CCDC148: variants seen among roughly 807,000 people sequenced by gnomAD.
CCDC148 encodes coiled-coil domain-containing protein 148.
Under a neutral mutation model 85.7 loss-of-function variants are expected in CCDC148, and 89 were observed. The ratio of observed to expected loss-of-function variants is 1.04; its 90% CI spans 0.87 to 1.24. CCDC148 has a LOEUF of 1.24. Ranked by LOEUF, CCDC148 falls within the 50% of genes most tolerant of loss-of-function variation. CCDC148 has a pLI of 0.00. For missense variants in CCDC148, 692 were observed against 671.7 expected (o/e 1.03, Z -0.33); for synonymous variants, 230 against 213.9 (o/e 1.08, Z -0.66).
intron 1 of CCDC148, among the ~76,000 whole-genome samples, chr2:158,383,840 T>G (rs145664822): frequency 6.6e-6 from 1 of 152,194 alleles, no homozygotes; most frequent in Non-Finnish European, 1.5e-5. Flanking sequence ...TCAGATCTCA[T>G]TCACGTTTTG....
chr2:158,389,053 C>T (rs932840360), intron 1 of CCDC148, among the ~76,000 whole-genome samples: 26 of 152,124 alleles, frequency 1.7e-4, no homozygotes, highest in African/African-American at 6.3e-4. Flanking sequence ...GCACTAATGT[C>T]ATAAATCCAC....
chr2:158,275,919 T>A (rs1689920407), intron 9 of CCDC148, among the ~76,000 whole-genome samples: 1 of 152,220 alleles, frequency 6.6e-6, no homozygotes, highest in African/African-American at 2.4e-5. Context: ...TGAACATCTA[T>A]TCACTTTAAA....
At chr2:158,345,628 G>C (rs185593794) in intron 2 of CCDC148, among the ~76,000 whole-genome samples, 16 of 152,208 alleles carry the variant, frequency 1.1e-4, no homozygotes, top group African/African-American at 3.6e-4. Flanking sequence ...CCCCAGAAAA[G>C]TTTTCAAGAG....
chr2:158,410,122 T>C (rs1370876763), intron 1 of CCDC148, among the ~76,000 whole-genome samples: 1 of 152,198 alleles, frequency 6.6e-6, no homozygotes, highest in African/African-American at 2.4e-5. Flanking sequence ...TGACCTCCTC[T>C]AGAACAGTTT....
At chr2:158,386,955 T>G (rs1418612694) in intron 1 of CCDC148, among the ~76,000 whole-genome samples, 2 of 152,166 alleles carry the variant, frequency 1.3e-5, no homozygotes, top group Non-Finnish European at 2.9e-5. Context: ...TTCAAACTCA[T>G]GGTTACATTC....
In CCDC148 at chr2:158,309,431, A is replaced by T; in HGVS notation, c.1110+2T>A. ...TACTGAAACACCTGTGCAGCATCTT[A>T]CCTTGGCTTTCAGATCAGCACACAA... On this transcript the variant is annotated splice_donor_variant, in intron 9 of 13. Coordinates refer to ENST00000283233, the MANE Select transcript of CCDC148 (RefSeq NM_138803.4). LOFTEE classifies it high-confidence loss of function. 6.2e-7 allele frequency: 1 copy of T among 1,612,364 alleles called. No homozygotes were observed. Among genetic ancestry groups the T allele is most frequent in the South Asian group, 1.1e-5 (1 of 90,812 alleles).
chr2:158,279,447 G>A (rs1690147532), intron 9 of CCDC148, among the ~76,000 whole-genome samples: 1 of 152,232 alleles, frequency 6.6e-6, no homozygotes, highest in Non-Finnish European at 1.5e-5. Flanking sequence ...TGATGGAGCT[G>A]AAAGCCAAGG....
chr2:158,270,348 A>G (rs1689645449), intron 9 of CCDC148, among the ~76,000 whole-genome samples: 1 of 152,152 alleles, frequency 6.6e-6, no homozygotes, highest in Non-Finnish European at 1.5e-5. Flanking sequence ...ACTCTGCACA[A>G]GGATTCATGC....
intron 11 of CCDC148, among the ~76,000 whole-genome samples, chr2:158,189,819 G>A (rs553609368): frequency 6.6e-6 from 1 of 152,024 alleles, no homozygotes; most frequent in South Asian, 2.1e-4. Flanking sequence ...TATACTTCCT[G>A]AGTCTAGTGG....
chr2:158,340,180 ACT>A lies in CCDC148; in HGVS notation c.486+60_486+61del, dbSNP rs1397631557. On this transcript the variant is annotated intron_variant, in intron 5 of 13. Transcript: ENST00000283233. ...CACACATGTTTGTTTCTTATCTCAA[ACT>A]CTTCTAGTTGGGACAAAAATGAAAT... The A allele has an allele frequency of 4.7e-6, 7 of 1,487,520 alleles. No individual in the cohort carries two copies. In the African/African-American group the frequency reaches 7.0e-5, roughly 15 times the overall value. The allele number at this position is 1,487,520 out of a possible 1,614,324, so 92.1% of individuals were successfully genotyped here.
chr2:158,397,464 G>A (rs2193710), intron 1 of CCDC148, among the ~76,000 whole-genome samples: 81,999 of 151,872 alleles, frequency 0.54, 22,624 homozygotes, highest in South Asian at 0.73. Context: ...AGAGAGTGGG[G>A]GCCAATATTC....
In CCDC148 at chr2:158,379,831, T is replaced by C. The variant is rs560688161; in HGVS notation, c.26-21261A>G. On this transcript the variant is annotated intron_variant, in intron 1 of 13. Coordinates refer to ENST00000283233, the MANE Select transcript of CCDC148 (RefSeq NM_138803.4). ...GCACATTTAATAGACTATAGTATAC[T>C]GTAAACATAACTTTTACAGGCACTG... Among the ~76,000 whole-genome samples, 4 of 152,322 alleles carry C rather than the reference T, an allele frequency of 2.6e-5. No individual in the cohort carries two copies. In the East Asian group the frequency reaches 7.7e-4, roughly 29 times the overall value.
chr2:158,187,497 T>C (rs1274280332), intron 11 of CCDC148, among the ~76,000 whole-genome samples: 2 of 152,022 alleles, frequency 1.3e-5, no homozygotes, highest in Admixed American at 1.3e-4. Flanking sequence ...TCACTTCTCA[T>C]TTAGTCCAAA....
chr2:158,300,595 A>G (rs553574398), intron 9 of CCDC148, among the ~76,000 whole-genome samples: 1 of 152,338 alleles, frequency 6.6e-6, no homozygotes, highest in South Asian at 2.1e-4. Context: ...ATTCCAGGCA[A>G]AGCCAACAAT....
chr2:158,420,652 A>G (rs917727634), intron 1 of CCDC148, among the ~76,000 whole-genome samples: 2 of 152,232 alleles, frequency 1.3e-5, no homozygotes, highest in African/African-American at 2.4e-5. Context: ...TGTAAAGACC[A>G]TCGATGCTAG....
At chr2:158,309,396 T>G in intron 9 of CCDC148, 37 bp downstream of exon 9, 1 of 1,519,844 alleles carries the variant, frequency 6.6e-7, no homozygotes, top group Non-Finnish European at 9.0e-7. Context: ...TTCTTAAATA[T>G]CCAGACAAAT....
At chr2:158,368,355 T>C (rs949096449) in intron 1 of CCDC148, among the ~76,000 whole-genome samples, 2 of 152,126 alleles carry the variant, frequency 1.3e-5, no homozygotes, top group African/African-American at 2.4e-5. Flanking sequence ...AAAACCAACA[T>C]TTCCTGGTTC....
intron 9 of CCDC148, among the ~76,000 whole-genome samples, chr2:158,274,707 G>A (rs1275404148): frequency 6.6e-6 from 1 of 152,204 alleles, no homozygotes; most frequent in Non-Finnish European, 1.5e-5. Flanking sequence ...CAACGGTTAT[G>A]AGAAGCCATC....
intron 9 of CCDC148, among the ~76,000 whole-genome samples, chr2:158,289,137 A>G (rs551670309): frequency 6.6e-6 from 1 of 152,354 alleles, no homozygotes; most frequent in Non-Finnish European, 1.5e-5. Context: ...GGACACAGCC[A>G]AACTATATCA....
Sources: allele counts gnomAD v4.1 joint callset (sites outside exome capture counted in the v4.1 genomes callset), GRCh38; gene constraint gnomAD v4.1.1; transcripts MANE v1.5; gene names NCBI Gene and HGNC (gene_info 2026-07-23, HGNC 2026-07-21).